Variants in NTAN1 observed in about 807,000 individuals in gnomAD.
The protein encoded by NTAN1 is protein N-terminal asparagine amidohydrolase.
A neutral mutation model predicts 41.9 loss-of-function variants in NTAN1; 32 were observed. That is an observed-to-expected ratio of 0.76 (90% CI 0.58 to 1.03). NTAN1 has a LOEUF of 1.03. Among genes scored for constraint, NTAN1 ranks in the 50% least tolerant of loss-of-function variants. NTAN1 has a pLI of 0.00. For synonymous variants in NTAN1, 140 were observed against 139.5 expected, an observed-to-expected ratio of 1.00 and a Z score of -0.03; for missense variants, 377 against 377.5, an observed-to-expected ratio of 1.00 and a Z score of 0.01.
intron 5 of NTAN1, among the ~76,000 whole-genome samples, chr16:15,043,983 G>A (rs2151702021): frequency 1.3e-5 from 2 of 152,176 alleles, no homozygotes; most frequent in South Asian, 4.1e-4. Context: ...TTGCTAATAG[G>A]GAAAAAATGG....
intron 4 of NTAN1, 189 bp downstream of exon 4, chr16:15,047,253 C>T (rs752810062): frequency 7.0e-5 from 42 of 596,726 alleles, no homozygotes; most frequent in Non-Finnish European, 1.1e-4. Context: ...CTTGCCTGTG[C>T]CCAGCACCCA....
At position 15,037,970 on chromosome 16, in the gene NTAN1, T is replaced by A; in HGVS notation, c.*61A>T. ...GATGTAGGATCCAGATCTGGATTCGTGCCAGCCCCACCAATGGTCTGTCAG... is the reference window on the plus strand; with the variant it reads ...GATGTAGGATCCAGATCTGGATTCGAGCCAGCCCCACCAATGGTCTGTCAG... On this transcript the variant is annotated 3_prime_UTR_variant, in exon 10 of 10. Transcript: ENST00000287706. 1 of 1,290,650 alleles carries A rather than the reference T, an allele frequency of 7.7e-7. No homozygotes were observed. The highest frequency in any genetic ancestry group is 1.1e-6 in the Non-Finnish European group (1 of 902,696). The allele number at this position is 1,290,650 out of a possible 1,614,324, so 79.9% of individuals were successfully genotyped here.
intron 6 of NTAN1, among the ~76,000 whole-genome samples, 180 bp downstream of exon 6, chr16:15,041,443 C>T (rs1185227376): frequency 2.0e-5 from 3 of 152,056 alleles, no homozygotes; most frequent in Non-Finnish European, 2.9e-5. Flanking sequence ...AACTGAGGCT[C>T]GGCAGATGGT....
In NTAN1 at chr16:15,041,663, C is replaced by T; in HGVS notation, c.447G>A (p.Arg149=). The T allele has an allele frequency of 6.2e-7, 1 of 1,610,258 alleles. No homozygotes were observed. Residue 149 remains arginine, a synonymous_variant, in exon 6 of 10, where the codon AGG becomes AGA. Transcript: ENST00000287706. ...LTHQLLSEFD[R]QEDDIHLVTL... The stretch of plus-strand genomic sequence containing the variant: ...TCACTAAGTGAATGTCATCTTCTTG[C>T]CTGTCAAATTCACCTATGATGAGAA...
At chr16:15,041,301 GAACA>G (rs930587370) in intron 6 of NTAN1, among the ~76,000 whole-genome samples, 180 bp from the exon 7 acceptor site, 1 of 152,094 alleles carries the variant, frequency 6.6e-6, no homozygotes, top group Non-Finnish European at 1.5e-5. Flanking sequence ...GGTTTATACT[GAACA>G]AACTGGCAGC....
At chr16:15,042,906 T>A (rs547571358) in intron 5 of NTAN1, among the ~76,000 whole-genome samples, 13 of 148,904 alleles carry the variant, frequency 8.7e-5, no homozygotes, top group African/African-American at 2.9e-4. Context: ...CTAATTTTTT[T>A]TTTTTTTTTT....
At chr16:15,046,128 G>A (rs1293888123) in intron 4 of NTAN1, 2 of 152,344 alleles carry the variant, frequency 1.3e-5, no homozygotes, top group East Asian at 3.9e-4. Context: ...AAGATGATAG[G>A]AAAATGAAAA....
intron 4 of NTAN1, chr16:15,045,753 C>T (rs1328604432): frequency 6.6e-6 from 1 of 152,306 alleles, no homozygotes; most frequent in African/African-American, 2.4e-5. Context: ...CAGTGTTTCC[C>T]ACACTCATCT....
chr16:15,038,456 A>G, intron 9 of NTAN1, 118 bp downstream of exon 9: 1 of 663,424 alleles, frequency 1.5e-6, no homozygotes, highest in Non-Finnish European at 2.6e-6. Flanking sequence ...ATGGCATCCA[A>G]AAAGTTACTA....
rs761704336 is a variant in NTAN1 at position 15,047,876 on chromosome 16, T to C, written c.229A>G (p.Ile77Val). ...ATACCTGTGTGCCTCAGGACCACAATGTGACAAGTAGTGGCATCATCAGAA... is the reference window on the plus strand; with the variant it reads ...ATACCTGTGTGCCTCAGGACCACAACGTGACAAGTAGTGGCATCATCAGAA... ...LGSDDATTCH[I>V]VVLRHTGNGA... The change falls in exon 3 of 10, where the codon ATT becomes GTT. Residue 77 changes from isoleucine to valine, a missense_variant. By Grantham distance (29) the Ile-to-Val change is conservative. Coordinates refer to ENST00000287706, the MANE Select transcript of NTAN1 (RefSeq NM_173474.4). The C allele has an allele frequency of 6.2e-7, 1 of 1,613,576 alleles. No individual in the cohort carries two copies. Among genetic ancestry groups the C allele is most frequent in the Non-Finnish European group, 8.5e-7 (1 of 1,179,490 alleles).
At chr16:15,048,335 T>C (rs1349582663) in intron 1 of NTAN1, among the ~76,000 whole-genome samples, 3 of 152,224 alleles carry the variant, frequency 2.0e-5, no homozygotes, top group East Asian at 1.9e-4. Flanking sequence ...TCGGATGTCA[T>C]AGTAACCTAT....
chr16:15,042,185 CTTTT>C (rs34790085), intron 5 of NTAN1, among the ~76,000 whole-genome samples: 6 of 135,566 alleles, frequency 4.4e-5, no homozygotes, highest in Admixed American at 7.6e-5. Context: ...AATTTTATAT[CTTTT>C]TTTTTTTTTT....
intron 1 of NTAN1, among the ~76,000 whole-genome samples, chr16:15,050,766 A>G (rs966219047): frequency 2.0e-5 from 3 of 152,088 alleles, no homozygotes; most frequent in Admixed American, 6.6e-5. Context: ...CTAAAAGAAG[A>G]GATGTAATAA....
intron 1 of NTAN1, among the ~76,000 whole-genome samples, chr16:15,055,413 G>A (rs779051774): frequency 9.2e-5 from 14 of 152,200 alleles, no homozygotes; most frequent in Non-Finnish European, 1.9e-4. Context: ...AGGACTGGGG[G>A]TCCCCGCCAA....
intron 6 of NTAN1, 124 bp from the exon 7 acceptor site, chr16:15,041,245 G>C (rs2043802098): frequency 1.4e-6 from 1 of 712,524 alleles, no homozygotes; most frequent in Non-Finnish European, 2.5e-6. Flanking sequence ...TCCAGAAAAT[G>C]AAAGGGATTG....
chr16:15,046,430 G>A (rs936247457), intron 4 of NTAN1, among the ~76,000 whole-genome samples: 1 of 152,100 alleles, frequency 6.6e-6, no homozygotes, highest in South Asian at 2.1e-4. Flanking sequence ...GGCCTGTGTC[G>A]TCGGCCTCCA....
chr16:15,038,660 C>T lies in NTAN1; in HGVS notation c.667G>A (p.Glu223Lys). 1 of 1,598,438 alleles carries T rather than the reference C, an allele frequency of 6.3e-7. No homozygotes were observed. Among genetic ancestry groups the T allele is most frequent in the Non-Finnish European group, 8.6e-7 (1 of 1,167,034 alleles). ...GAGTACGGTCCTATACGAAGTTGTTCTGTCTCTGCATCATAAATGCTAATC... is the reference window on the plus strand; with the variant it reads ...GAGTACGGTCCTATACGAAGTTGTTTTGTCTCTGCATCATAAATGCTAATC... The part of the protein sequence containing the change: ...PMISIYDAET[E>K]QLRIGPYSWT... Residue 223 changes from glutamate (E) to lysine (K), a missense_variant, in exon 9 of 10, where the codon GAA becomes AAA. By Grantham distance (56) the Glu-to-Lys change is moderately conservative. Coordinates refer to ENST00000287706, the MANE Select transcript of NTAN1 (RefSeq NM_173474.4).
Position 15,048,171 on chromosome 16 carries a change from A to C in NTAN1, c.82-72T>G. ...ATGGAAAAACTAAAGATGTGGAGAG[A>C]GCCAAAGTGGGCTCTGCGTGGGCAG... is the stretch of plus-strand genomic sequence containing the variant. On this transcript the variant is annotated intron_variant, in intron 1 of 9. Transcript: ENST00000287706. 8 of 1,079,654 alleles carry C rather than the reference A, an allele frequency of 7.4e-6. No individual in the cohort carries two copies. In the South Asian group the frequency reaches 1.1e-4, roughly 15 times the overall value. 66.9% of individuals were successfully genotyped at this position (1,079,654 alleles called of 1,614,324 possible). A position where few individuals can be genotyped will look rare whatever the true frequency, so the allele number is the denominator to read the frequency against.
chr16:15,040,437 T>C, intron 7 of NTAN1: 1 of 212,680 alleles, frequency 4.7e-6, no homozygotes. Flanking sequence ...CAATTTAGTA[T>C]TTTATACATA....
Sources: gnomAD v4.1 joint callset for allele counts (sites outside exome capture counted in the v4.1 genomes callset) on GRCh38, gnomAD v4.1.1 for gene constraint, MANE v1.5 for transcripts, NCBI Gene and HGNC (gene_info 2026-07-23, HGNC 2026-07-21) for gene names.